Variants in TSGA10 observed in about 807,000 individuals in gnomAD.
The protein encoded by TSGA10 is testis-specific gene 10 protein.
TSGA10 carries 43 observed loss-of-function variants against 96.6 expected under a neutral mutation model. That is an observed-to-expected ratio of 0.44 (90% CI 0.35 to 0.57). TSGA10 has a LOEUF of 0.57. TSGA10 is among the 20% of genes least tolerant of loss of function. The probability of loss-of-function intolerance (pLI) is 0.01; values close to 1 mark genes in which losing one functional copy is unlikely to be tolerated. For synonymous variants in TSGA10, 229 were observed against 269.9 expected (o/e 0.85, Z 1.48); for missense variants, 703 against 834.4 (o/e 0.84, Z 1.94).
At chr2:99,003,238 A>T (rs554216729) in intron 20 of TSGA10, among the ~76,000 whole-genome samples, 1 of 152,348 alleles carries the variant, frequency 6.6e-6, no homozygotes, top group South Asian at 2.1e-4. Flanking sequence ...TTCAACAAGA[A>T]GAGCTAACTA....
At chr2:99,146,817 C>CA (rs1169647075) in intron 1 of TSGA10, among the ~76,000 whole-genome samples, 1 of 152,130 alleles carries the variant, frequency 6.6e-6, no homozygotes, top group East Asian at 1.9e-4. Context: ...TTAGTAGAGA[C>CA]AGAGTTTCAC....
intron 10 of TSGA10, among the ~76,000 whole-genome samples, chr2:99,081,933 A>G (rs1190768719): frequency 6.6e-6 from 1 of 152,188 alleles, no homozygotes; most frequent in Non-Finnish European, 1.5e-5. Flanking sequence ...CTATTTTTAA[A>G]TTTTCCCTTT....
chr2:99,110,928 T>TAAAAAAAAAA lies in TSGA10; in HGVS notation c.-139-23_-139-14dup. 1.9e-6 allele frequency: 1 copy of TAAAAAAAAAA among 528,478 alleles called. No homozygotes were observed. Among genetic ancestry groups the TAAAAAAAAAA allele is most frequent in the Non-Finnish European group, 2.4e-6 (1 of 420,110 alleles). The allele number at this position is 528,478 out of a possible 1,614,324, so 32.7% of individuals were successfully genotyped here. ...AAATGAGATCAATCTGAAGAAAAAG[T>TAAAAAAAAAA]AAAAAAAAAAAAAATTATTTCTATT... On this transcript the variant is annotated splice_polypyrimidine_tract_variant and intron_variant, in intron 4 of 20. Coordinates refer to ENST00000393483, the MANE Select transcript of TSGA10 (RefSeq NM_025244.4).
At chr2:99,003,789 A>G (rs2078198176) in intron 20 of TSGA10, among the ~76,000 whole-genome samples, 1 of 152,224 alleles carries the variant, frequency 6.6e-6, no homozygotes, top group African/African-American at 2.4e-5. Context: ...TATCTGGGAC[A>G]CATTTAAAGC....
intron 10 of TSGA10, among the ~76,000 whole-genome samples, chr2:99,088,303 G>T (rs147971325): frequency 0.011 from 1,631 of 152,132 alleles, 9 homozygotes; most frequent in Middle Eastern, 0.027. Flanking sequence ...GTTATAATTA[G>T]TTATTGTTGT....
At chr2:99,044,222 A>T (rs1271689450) in intron 16 of TSGA10, among the ~76,000 whole-genome samples, 3 of 152,156 alleles carry the variant, frequency 2.0e-5, no homozygotes, top group African/African-American at 4.8e-5. Context: ...CAATTAAAAG[A>T]CACAGACTGG....
chr2:99,093,012 T>A (rs2089538711), intron 10 of TSGA10, among the ~76,000 whole-genome samples: 1 of 152,128 alleles, frequency 6.6e-6, no homozygotes, highest in African/African-American at 2.4e-5. Flanking sequence ...AACAAAATAC[T>A]AGCTAACCAA....
At chr2:99,122,759 A>G (rs2092642178) in intron 2 of TSGA10, among the ~76,000 whole-genome samples, 1 of 151,650 alleles carries the variant, frequency 6.6e-6, no homozygotes, top group Non-Finnish European at 1.5e-5. Context: ...CCACTGCACT[A>G]CAGCCTGGAT....
chr2:99,103,755 T>C (rs1334325730), intron 10 of TSGA10, among the ~76,000 whole-genome samples: 1 of 152,224 alleles, frequency 6.6e-6, no homozygotes, highest in Non-Finnish European at 1.5e-5. Flanking sequence ...GTAAGATTAC[T>C]AGAAGTGTGA....
chr2:99,061,753 T>C (rs2084718054), intron 16 of TSGA10, among the ~76,000 whole-genome samples: 1 of 152,204 alleles, frequency 6.6e-6, no homozygotes, highest in Non-Finnish European at 1.5e-5. Flanking sequence ...TGGACAAAAC[T>C]GTGTCCCCTC....
At chr2:99,000,703 A>G (rs1476300230) in intron 20 of TSGA10, among the ~76,000 whole-genome samples, 3 of 152,194 alleles carry the variant, frequency 2.0e-5, no homozygotes, top group African/African-American at 7.2e-5. Flanking sequence ...AGGGCAGGGC[A>G]TCGCCTCACC....
chr2:99,081,554 A>C (rs1169497573), intron 10 of TSGA10, among the ~76,000 whole-genome samples, 157 bp from the exon 11 acceptor site: 2 of 152,176 alleles, frequency 1.3e-5, no homozygotes, highest in Non-Finnish European at 2.9e-5. Flanking sequence ...CAGGAAGTTT[A>C]AAAAATAAAG....
chr2:99,054,635 C>A (rs2083774510), intron 16 of TSGA10, among the ~76,000 whole-genome samples: 1 of 151,854 alleles, frequency 6.6e-6, no homozygotes, highest in South Asian at 2.1e-4. Flanking sequence ...TCAAAATATA[C>A]AAGGAATTCA....
At chr2:99,085,490 TC>T (rs1256394607) in intron 10 of TSGA10, among the ~76,000 whole-genome samples, 1 of 151,058 alleles carries the variant, frequency 6.6e-6, no homozygotes, top group Non-Finnish European at 1.5e-5. Context: ...ATGTCTGTGG[TC>T]CCAGCTACTT....
intron 1 of TSGA10, among the ~76,000 whole-genome samples, chr2:99,128,910 G>C (rs564804861): frequency 6.6e-5 from 10 of 152,222 alleles, no homozygotes; most frequent in African/African-American, 2.4e-4. Flanking sequence ...ACCACAATTG[G>C]CTAATTGTTT....
Position 99,051,843 on chromosome 2 carries a change from A to G in TSGA10, c.1404+13096T>C, listed in dbSNP as rs942737245. Reference sequence around the variant, plus strand: ...TAACAGAAAAAAAGGGGAAACTAACAAATATGTGGAAATAAAAAATATAGT... The same window carrying G: ...TAACAGAAAAAAAGGGGAAACTAACGAATATGTGGAAATAAAAAATATAGT... On this transcript the variant is annotated intron_variant, in intron 16 of 20. Transcript: ENST00000393483. 5.3e-5 allele frequency among the ~76,000 whole-genome samples: 8 copies of G among 152,212 alleles called. No homozygotes were observed. The East Asian group carries it at 1.5e-3, about 29-fold the overall frequency.
At chr2:99,102,722 C>T (rs897492330) in intron 10 of TSGA10, 2 of 1,610,010 alleles carry the variant, frequency 1.2e-6, no homozygotes, top group Admixed American at 1.7e-5. Flanking sequence ...TGGCCAAAGA[C>T]TTTGTAGAAG....
At chr2:99,091,784 A>C (rs11695751) in intron 10 of TSGA10, among the ~76,000 whole-genome samples, 87,691 of 151,442 alleles carry the variant, frequency 0.58, 26,211 homozygotes, top group East Asian at 0.88. Flanking sequence ...GTTACTACTA[A>C]ACCTAATAAT....
intron 16 of TSGA10, among the ~76,000 whole-genome samples, chr2:99,039,965 C>T (rs963444836): frequency 1.3e-5 from 2 of 152,028 alleles, no homozygotes; most frequent in African/African-American, 4.8e-5. Flanking sequence ...GATGGTTTAA[C>T]GTAAGTAAGT....
Sources: gnomAD v4.1 joint callset for allele counts (sites outside exome capture counted in the v4.1 genomes callset) on GRCh38, gnomAD v4.1.1 for gene constraint, MANE v1.5 for transcripts, NCBI Gene and HGNC (gene_info 2026-07-23, HGNC 2026-07-21) for gene names.